PDE1A: variants seen among roughly 807,000 people sequenced by gnomAD.
The protein encoded by PDE1A is phosphodiesterase 1A.
Under a neutral mutation model 61.7 loss-of-function variants are expected in PDE1A, and 35 were observed. The observed-to-expected ratio is 0.57, with a 90% CI of 0.43 to 0.75. The LOEUF is 0.75. PDE1A is among the 30% of genes least tolerant of loss of function. The pLI is 0.00. For missense variants in PDE1A, 597 were observed against 630.6 expected (o/e 0.95, Z 0.57); for synonymous variants, 232 against 213.2 (o/e 1.09, Z -0.77).
intron 2 of PDE1A, among the ~76,000 whole-genome samples, chr2:182,507,111 C>T (rs933807658): frequency 7.2e-5 from 11 of 151,754 alleles, no homozygotes; most frequent in South Asian, 2.1e-4. Flanking sequence ...TGTTTATTTT[C>T]GTAAGCTCTA....
chr2:182,215,588 C>G (rs890371171), intron 7 of PDE1A, among the ~76,000 whole-genome samples: 23 of 143,754 alleles, frequency 1.6e-4, no homozygotes, highest in Non-Finnish European at 1.7e-4. Context: ...GGGGATATCA[C>G]CACCGATTCC....
At chr2:182,253,627 C>G (rs79279302) in intron 2 of PDE1A, among the ~76,000 whole-genome samples, 15,790 of 152,064 alleles carry the variant, frequency 0.1, 1,155 homozygotes, top group East Asian at 0.31. Context: ...AACTGGAGAA[C>G]AATAACTGGT....
the PDE1A span, among the ~76,000 whole-genome samples, chr2:182,612,779 T>A: frequency 3.3e-5 from 5 of 152,328 alleles, no homozygotes; most frequent in Admixed American, 6.5e-5. Flanking sequence ...AGGACCAATA[T>A]GAATATTTAG....
the PDE1A span, among the ~76,000 whole-genome samples, chr2:182,680,855 C>T: frequency 6.6e-6 from 1 of 152,202 alleles, no homozygotes; most frequent in Non-Finnish European, 1.5e-5. Flanking sequence ...ACCCCATAGG[C>T]AGTGTATAGA....
At chr2:182,664,337 G>T in the PDE1A span, among the ~76,000 whole-genome samples, 1 of 152,060 alleles carries the variant, frequency 6.6e-6, no homozygotes, top group African/African-American at 2.4e-5. Flanking sequence ...AAAACATTTG[G>T]ATACAATATA....
intron 1 of PDE1A, among the ~76,000 whole-genome samples, chr2:182,270,457 C>G (rs1692935462): frequency 6.6e-6 from 1 of 151,982 alleles, no homozygotes; most frequent in Admixed American, 6.6e-5. Context: ...TAACAATGTT[C>G]TCATATGGAA....
At chr2:182,232,325 T>C (rs1689649877) in intron 4 of PDE1A, among the ~76,000 whole-genome samples, 1 of 152,214 alleles carries the variant, frequency 6.6e-6, no homozygotes, top group South Asian at 2.1e-4. Flanking sequence ...CTACTGTTTA[T>C]ACACATACAG....
upstream of PDE1A, among the ~76,000 whole-genome samples, chr2:182,525,466 T>A (rs1431623657): frequency 6.6e-6 from 1 of 152,154 alleles, no homozygotes. Context: ...CCCACTCAAA[T>A]CTCATGTTAA....
At chr2:182,241,400 A>G (rs969587802) in intron 2 of PDE1A, among the ~76,000 whole-genome samples, 19 of 152,186 alleles carry the variant, frequency 1.2e-4, no homozygotes, top group African/African-American at 4.3e-4. Context: ...AGGCCTAACG[A>G]TTATGAGCTA....
chr2:182,650,019 C>T, the PDE1A span, among the ~76,000 whole-genome samples: 2 of 152,060 alleles, frequency 1.3e-5, no homozygotes, highest in Admixed American at 6.5e-5. Flanking sequence ...TTTGAGGCTG[C>T]AGTGAGCTGT....
At chr2:182,581,988 A>G in the PDE1A span, among the ~76,000 whole-genome samples, 1 of 152,222 alleles carries the variant, frequency 6.6e-6, no homozygotes, top group Admixed American at 6.5e-5. Flanking sequence ...ACTAAAAATG[A>G]CAATAAGGAA....
chr2:182,361,593 C>G (rs1237618073), intron 1 of PDE1A, among the ~76,000 whole-genome samples: 5 of 151,994 alleles, frequency 3.3e-5, no homozygotes, highest in Non-Finnish European at 7.4e-5. Context: ...AGCCTCATAT[C>G]TCTGTGTATA....
upstream of PDE1A, among the ~76,000 whole-genome samples, chr2:182,429,946 G>A (rs564772837): frequency 1.6e-4 from 25 of 152,280 alleles, no homozygotes; most frequent in Non-Finnish European, 3.4e-4. Flanking sequence ...TAGGACGTGA[G>A]ACCACATGTG....
At chr2:182,413,108 AG>A (rs1254463163) in intron 1 of PDE1A, among the ~76,000 whole-genome samples, 4 of 152,194 alleles carry the variant, frequency 2.6e-5, no homozygotes, top group African/African-American at 9.7e-5. Flanking sequence ...AGGAGCAATA[AG>A]TCACCCAGAA....
chr2:182,666,024 C>T, the PDE1A span, among the ~76,000 whole-genome samples: 4 of 152,204 alleles, frequency 2.6e-5, no homozygotes, highest in Non-Finnish European at 5.9e-5. Flanking sequence ...AATAAGAACG[C>T]ATGGACACAG....
At chr2:182,232,362 G>T (rs1003885292) in intron 4 of PDE1A, among the ~76,000 whole-genome samples, 1 of 152,168 alleles carries the variant, frequency 6.6e-6, no homozygotes, top group Non-Finnish European at 1.5e-5. Flanking sequence ...CAGTAAGTGG[G>T]CAACCATAAA....
intron 13 of PDE1A, among the ~76,000 whole-genome samples, chr2:182,185,156 T>C (rs190799982): frequency 1.4e-4 from 22 of 152,216 alleles, no homozygotes; most frequent in Admixed American, 3.9e-4. Flanking sequence ...AAAAAATAAC[T>C]ACAAAGACCC....
chr2:182,549,176 A>AT, the PDE1A span, among the ~76,000 whole-genome samples: 1 of 152,178 alleles, frequency 6.6e-6, no homozygotes, highest in Non-Finnish European at 1.5e-5. Context: ...TTCAAAAAAT[A>AT]TTTGAGATAT....
chr2:182,554,539 T>C, the PDE1A span, among the ~76,000 whole-genome samples: 1 of 152,188 alleles, frequency 6.6e-6, no homozygotes, highest in East Asian at 1.9e-4. Context: ...GTTCTGAAAC[T>C]AAGCAGACCT....
Sources: allele counts gnomAD v4.1 joint callset (sites outside exome capture counted in the v4.1 genomes callset), GRCh38; gene constraint gnomAD v4.1.1; transcripts MANE v1.5; gene names NCBI Gene and HGNC (gene_info 2026-07-23, HGNC 2026-07-21).